Variants in RAB33B observed in about 807,000 individuals in gnomAD.
The protein encoded by RAB33B is RAB33B, member RAS oncogene family, also known as ras-related protein Rab-33B.
Under a neutral mutation model 15.0 loss-of-function variants are expected in RAB33B, and 6 were observed. The observed-to-expected ratio is 0.40, with a 90% CI of 0.22 to 0.79. RAB33B has a LOEUF of 0.79. Among genes scored for constraint, RAB33B ranks in the 30% least tolerant of loss-of-function variants. The pLI is 0.37. For missense variants in RAB33B, 257 were observed against 296.4 expected (o/e 0.87, Z 0.98); for synonymous variants, 117 against 108.3 (o/e 1.08, Z -0.50).
intron 1 of RAB33B, among the ~76,000 whole-genome samples, chr4:139,466,059 G>C (rs1247390913): frequency 6.6e-6 from 1 of 152,122 alleles, no homozygotes; most frequent in African/African-American, 2.4e-5. Flanking sequence ...TGTCCAAGCT[G>C]GTTTCAAACT....
At chr4:139,451,395 CAGG>C (rs1330978635), upstream of RAB33B, 5 of 108,884 alleles carry the variant, frequency 4.6e-5, no homozygotes, top group African/African-American at 1.8e-4. Context: ...TTTTTGGAGA[CAGG>C]AGGTCTCACT....
At chr4:139,459,779 G>A (rs923011152) in intron 1 of RAB33B, among the ~76,000 whole-genome samples, 3 of 151,964 alleles carry the variant, frequency 2.0e-5, no homozygotes, top group Non-Finnish European at 4.4e-5. Context: ...GATTACAGGC[G>A]CCTGCCACCC....
intron 1 of RAB33B, among the ~76,000 whole-genome samples, chr4:139,458,240 C>T (rs1001344702): frequency 1.3e-5 from 2 of 151,752 alleles, no homozygotes; most frequent in Non-Finnish European, 2.9e-5. Context: ...GCACTATGAT[C>T]GAGCCACTCC....
intron 1 of RAB33B, among the ~76,000 whole-genome samples, chr4:139,464,949 T>C (rs1400134349): frequency 1.3e-5 from 2 of 152,212 alleles, no homozygotes; most frequent in South Asian, 2.1e-4. Flanking sequence ...TTCTAGATCC[T>C]TGAGGAATCG....
chr4:139,455,697 A>G (rs1455946624), intron 1 of RAB33B, among the ~76,000 whole-genome samples: 1 of 152,224 alleles, frequency 6.6e-6, no homozygotes, highest in Non-Finnish European at 1.5e-5. Context: ...AGAAGAAAAG[A>G]TAGAATAAAA....
chr4:139,445,689 T>G, the RAB33B span, among the ~76,000 whole-genome samples: 2 of 152,084 alleles, frequency 1.3e-5, no homozygotes, highest in African/African-American at 4.8e-5. Flanking sequence ...AGGCTGCCAG[T>G]TTTGACTGGG....
At chr4:139,471,164 T>G (rs918687825) in intron 1 of RAB33B, among the ~76,000 whole-genome samples, 1 of 152,150 alleles carries the variant, frequency 6.6e-6, no homozygotes, top group Non-Finnish European at 1.5e-5. Flanking sequence ...TCAAGTTTAC[T>G]TGGAGACACA....
intron 1 of RAB33B, among the ~76,000 whole-genome samples, chr4:139,457,090 A>G (rs973124832): frequency 6.6e-6 from 1 of 152,210 alleles, no homozygotes; most frequent in Non-Finnish European, 1.5e-5. Context: ...ATTGCGTTAA[A>G]TGTTTTGATA....
At position 139,476,525 on chromosome 4, in the gene RAB33B, C is replaced by T. The variant is rs1375734463; in HGVS notation, c.*3399C>T. On this transcript the variant is annotated 3_prime_UTR_variant, in exon 2 of 2. Coordinates refer to ENST00000305626, the MANE Select transcript of RAB33B (RefSeq NM_031296.3). ...AGCCTGTGTGGCAAGGGCGAATGCA[C>T]TTGGTTTGTTGGAATAACCTGATTT... 1.3e-5 allele frequency: 2 copies of T among 152,206 alleles called. No individual in the cohort carries two copies. Among genetic ancestry groups the T allele is most frequent in the African/African-American group, 4.8e-5 (2 of 41,452 alleles). 9.4% of individuals were successfully genotyped at this position (152,206 alleles called of 1,614,324 possible).
chr4:139,471,114 G>A (rs1467136273), intron 1 of RAB33B, among the ~76,000 whole-genome samples: 1 of 152,188 alleles, frequency 6.6e-6, no homozygotes, highest in Non-Finnish European at 1.5e-5. Context: ...AGCACTCGGA[G>A]TTGCCTCAGA....
chr4:139,471,869 C>A (rs1750399391), intron 1 of RAB33B, among the ~76,000 whole-genome samples: 1 of 152,144 alleles, frequency 6.6e-6, no homozygotes, highest in African/African-American at 2.4e-5. Flanking sequence ...GGTCTTTGAT[C>A]CATTTTGAGT....
At chr4:139,456,131 G>C (rs1280869842) in intron 1 of RAB33B, among the ~76,000 whole-genome samples, 1 of 152,170 alleles carries the variant, frequency 6.6e-6, no homozygotes. Context: ...TTCATAGTTG[G>C]TGCCTTTAAA....
chr4:139,439,635 CCTT>C, the RAB33B span, among the ~76,000 whole-genome samples: 1 of 152,160 alleles, frequency 6.6e-6, no homozygotes, highest in Non-Finnish European at 1.5e-5. Flanking sequence ...TCTCTCTTCT[CCTT>C]CTGTAGTTAT....
chr4:139,464,819 T>C (rs1245174037), intron 1 of RAB33B, among the ~76,000 whole-genome samples: 1 of 152,226 alleles, frequency 6.6e-6, no homozygotes, highest in Non-Finnish European at 1.5e-5. Context: ...TCCAAGTCTT[T>C]GCTGTTGTGA....
the RAB33B span, among the ~76,000 whole-genome samples, chr4:139,442,599 G>C: frequency 3.3e-5 from 5 of 152,142 alleles, no homozygotes; most frequent in Admixed American, 6.5e-5. Context: ...AACGTGAAAA[G>C]ATTAGACTGG....
rs748718122 is a variant in RAB33B at position 139,454,148 on chromosome 4, C to A, written c.-48C>A. On this transcript the variant is annotated 5_prime_UTR_variant, in exon 1 of 2. Coordinates refer to ENST00000305626, the MANE Select transcript of RAB33B (RefSeq NM_031296.3). ...TCTTGCGGTGGCGTAATCTCTCAGCCTTTCTGTGTCTCCTTTCCTCCGCCT... is the reference window on the plus strand; with the variant it reads ...TCTTGCGGTGGCGTAATCTCTCAGCATTTCTGTGTCTCCTTTCCTCCGCCT... 1.3e-6 allele frequency: 2 copies of A among 1,566,498 alleles called. No individual in the cohort carries two copies. The highest frequency in any genetic ancestry group is 2.4e-5 in the South Asian group (2 of 83,132).
chr4:139,473,175 G>A lies in RAB33B; in HGVS notation c.*49G>A, dbSNP rs774793031. ...TAATTTTGACTAAAGAAATACTTTT[G>A]AAGTATGACAGTATTAAGTCATAAG... is the stretch of plus-strand genomic sequence containing the variant. On this transcript the variant is annotated 3_prime_UTR_variant, in exon 2 of 2. Transcript: ENST00000305626. The A allele has an allele frequency of 1.4e-6, 2 of 1,447,340 alleles. No homozygotes were observed. Among genetic ancestry groups the A allele is most frequent in the Non-Finnish European group, 1.9e-6 (2 of 1,074,430 alleles). 89.7% of individuals were successfully genotyped at this position (1,447,340 alleles called of 1,614,324 possible).
intron 1 of RAB33B, among the ~76,000 whole-genome samples, chr4:139,468,059 C>T (rs6536199): frequency 0.77 from 115,506 of 150,462 alleles, 44,892 homozygotes; most frequent in Admixed American, 0.85. Context: ...CAACTCTCTA[C>T]GTCCATGAGG....
intron 1 of RAB33B, among the ~76,000 whole-genome samples, chr4:139,459,443 C>CA (rs146511983): frequency 1.4e-3 from 219 of 151,836 alleles, no homozygotes; most frequent in African/African-American, 5.0e-3. Context: ...CTCTTAAAAA[C>CA]AAAAAAAGAG....
Sources: gnomAD v4.1 joint callset for allele counts (sites outside exome capture counted in the v4.1 genomes callset) on GRCh38, gnomAD v4.1.1 for gene constraint, MANE v1.5 for transcripts, NCBI Gene and HGNC (gene_info 2026-07-23, HGNC 2026-07-21) for gene names.